The following ADAM17 variants were observed in gnomAD, a reference collection of about 807,000 sequenced individuals.
ADAM17 encodes the protein ADAM metallopeptidase domain 17.
A neutral mutation model predicts 96.7 loss-of-function variants in ADAM17; 39 were observed. That is an observed-to-expected ratio of 0.40 (90% CI 0.31 to 0.53). ADAM17 has a LOEUF of 0.53. Among genes scored for constraint, ADAM17 ranks in the 20% least tolerant of loss-of-function variants. The pLI is 0.44. For missense variants in ADAM17, 777 were observed against 1,013.2 expected, an observed-to-expected ratio of 0.77 and a Z score of 3.17; for synonymous variants, 344 against 359.2, an observed-to-expected ratio of 0.96 and a Z score of 0.48.
At chr2:9,541,170 T>C (rs992585814) in intron 2 of ADAM17, among the ~76,000 whole-genome samples, 2 of 152,244 alleles carry the variant, frequency 1.3e-5, no homozygotes, top group Non-Finnish European at 2.9e-5. Flanking sequence ...GTTACAATTC[T>C]ATGCAATAGG....
chr2:9,505,031 CA>C (rs1486789560), intron 12 of ADAM17, 134 bp downstream of exon 12: 3 of 993,472 alleles, frequency 3.0e-6, no homozygotes, highest in Non-Finnish European at 4.4e-6. Flanking sequence ...CTGTGAAGGG[CA>C]AAAGAGGTAG....
At chr2:9,536,430 AAAAG>A (rs1303221290) in intron 3 of ADAM17, among the ~76,000 whole-genome samples, 2 of 152,222 alleles carry the variant, frequency 1.3e-5, no homozygotes, top group East Asian at 1.9e-4. Context: ...GTCACTGAGG[AAAAG>A]AAAGGTTAAA....
chr2:9,498,130 G>A (rs1045586520), intron 13 of ADAM17, among the ~76,000 whole-genome samples: 34 of 152,212 alleles, frequency 2.2e-4, no homozygotes, highest in African/African-American at 5.8e-4. Context: ...CCTAGGTTCC[G>A]GCAATCCTCC....
At chr2:9,542,882 C>T (rs1341988715) in intron 2 of ADAM17, among the ~76,000 whole-genome samples, 7 of 151,968 alleles carry the variant, frequency 4.6e-5, no homozygotes, top group African/African-American at 7.3e-5. Context: ...TTAGTAGAGA[C>T]GGGGTTTTGC....
chr2:9,516,672 G>C (rs1664074534), intron 10 of ADAM17, among the ~76,000 whole-genome samples: 1 of 152,018 alleles, frequency 6.6e-6, no homozygotes, highest in South Asian at 2.1e-4. Context: ...AGAACTGCTT[G>C]AACCCAGAAG....
Position 9,523,229 on chromosome 2 carries a change from C to T in ADAM17, c.843+20G>A. The T allele has an allele frequency of 6.5e-7, 1 of 1,542,026 alleles. No individual in the cohort carries two copies. Among genetic ancestry groups the T allele is most frequent in the Non-Finnish European group, 8.9e-7 (1 of 1,123,452 alleles). On this transcript the variant is annotated intron_variant, in intron 7 of 18. Coordinates refer to ENST00000310823, the MANE Select transcript of ADAM17 (RefSeq NM_003183.6). Reference sequence around the variant, plus strand: ...CATTACAAAACTTAAGTAATATAAGCCATATCTATTGATAAATACCTGCTC... The same window carrying T: ...CATTACAAAACTTAAGTAATATAAGTCATATCTATTGATAAATACCTGCTC...
At chr2:9,514,395 A>G (rs1311543426) in intron 10 of ADAM17, among the ~76,000 whole-genome samples, 1 of 148,628 alleles carries the variant, frequency 6.7e-6, no homozygotes, top group East Asian at 2.0e-4. Context: ...GGATAGCATT[A>G]GGAGATATAC....
At chr2:9,525,232 G>A (rs544325702) in intron 6 of ADAM17, among the ~76,000 whole-genome samples, 19 of 151,296 alleles carry the variant, frequency 1.3e-4, no homozygotes, top group African/African-American at 4.1e-4. Context: ...CCAGGAGGTG[G>A]GGGTTGCAGT....
At chr2:9,500,695 A>T (rs1315731072) in intron 13 of ADAM17, among the ~76,000 whole-genome samples, 1 of 152,252 alleles carries the variant, frequency 6.6e-6, no homozygotes, top group Non-Finnish European at 1.5e-5. Context: ...TTGCTTTTTG[A>T]CAATTTAAGT....
rs377455446 is a variant in ADAM17, at chr2:9,552,832, T to C, written c.97+2677A>G. On this transcript the variant is annotated intron_variant, in intron 1 of 18. Coordinates refer to ENST00000310823, the MANE Select transcript of ADAM17 (RefSeq NM_003183.6). ...AATTGAAATCATTTTTGGTGACCCA[T>C]AGAGGACTCTAAAAACCAGGCTTCA... 1.2e-4 allele frequency among the ~76,000 whole-genome samples: 18 copies of C among 152,330 alleles called. No homozygotes were observed. In the South Asian group the frequency reaches 2.1e-3, roughly 18 times the overall value.
intron 8 of ADAM17, among the ~76,000 whole-genome samples, chr2:9,519,257 T>C (rs1664203866): frequency 6.6e-6 from 1 of 152,172 alleles, no homozygotes; most frequent in Admixed American, 6.5e-5. Flanking sequence ...ATATGAGGAA[T>C]GAAGTGTGGT....
In ADAM17 at chr2:9,517,975, C is replaced by A. The variant is rs1040762421; in HGVS notation, c.1117G>T (p.Val373Phe). Residue 373 changes from valine to phenylalanine, a missense_variant, in exon 10 of 19, where the codon GTT becomes TTT. By Grantham distance (50) the Val-to-Phe change is conservative (BLOSUM62 -1). This residue lies in a region of ADAM17 where 446 missense variants were observed against 664.7 expected (regional missense o/e 0.67). Transcript: ENST00000310823. ...TTCAAATAGATATTTTTCTTCCCAA[C>A]TGGGCTATAATAAGCTAAAGTCAAA... ...GVCPKAYYSP[V>F]GKKNIYLNSG... 1 of 1,602,948 alleles carries A rather than the reference C, an allele frequency of 6.2e-7. No homozygotes were observed. Among genetic ancestry groups the A allele is most frequent in the African/African-American group, 1.3e-5 (1 of 74,570 alleles).
At position 9,514,518 on chromosome 2, in the gene ADAM17, A is replaced by ATATAT. The variant is rs1663932935; in HGVS notation, c.1191+3382_1191+3383insATATA. Among the ~76,000 whole-genome samples, 8 of 89,858 alleles carry ATATAT rather than the reference A, an allele frequency of 8.9e-5. 1 individual carries two copies. Among genetic ancestry groups the ATATAT allele is most frequent in the African/African-American group, 3.1e-4 (7 of 22,512 alleles). 59.0% of individuals were successfully genotyped at this position (89,858 alleles called of 152,430 possible). On this transcript the variant is annotated intron_variant, in intron 10 of 18. Transcript: ENST00000310823. ...TCCTAGAACTTAAATTTAAAATATA[A>ATATAT]ATATATATATATATATATATATATA...
chr2:9,523,423 A>C, intron 6 of ADAM17, 85 bp from the exon 7 acceptor site: 1 of 1,240,260 alleles, frequency 8.1e-7, no homozygotes, highest in Middle Eastern at 1.9e-4. Flanking sequence ...GGGGAAAGAA[A>C]AAATCTCAGT....
intron 18 of ADAM17, 91 bp downstream of exon 18, chr2:9,491,010 G>C: frequency 8.5e-7 from 1 of 1,176,530 alleles, no homozygotes; most frequent in Non-Finnish European, 1.2e-6. Context: ...CCATCAGCCA[G>C]TGAAAGCTCT....
chr2:9,542,047 T>C (rs909587302), intron 2 of ADAM17, among the ~76,000 whole-genome samples: 1 of 152,104 alleles, frequency 6.6e-6, no homozygotes, highest in Non-Finnish European at 1.5e-5. Context: ...AAAAAATAAA[T>C]AAATAAAGAA....
Position 9,494,743 on chromosome 2 carries a change from C to T in ADAM17, c.1808G>A (p.Cys603Tyr). ...CNETDNSCKVCCRDLSGRCVP... is the reference protein window; with the variant it reads ...CNETDNSCKVYCRDLSGRCVP... ...ACAGCGGCCAGAAAGGTCCCTGCAG[C>T]ACACCTTGCAGGAGTTGTCAGTTTC... is the stretch of plus-strand genomic sequence containing the variant. The change falls in exon 15 of 19, where the codon TGC (cysteine) becomes TAC (tyrosine). Residue 603 changes from cysteine to tyrosine, a missense_variant. By Grantham distance (194) the Cys-to-Tyr change is radical. Around this residue, in one of 3 missense-constraint regions of ADAM17, gnomAD observed 446 missense variants for 664.7 expected, o/e 0.67. Coordinates refer to ENST00000310823, the MANE Select transcript of ADAM17 (RefSeq NM_003183.6). 2 of 1,614,094 alleles carry T rather than the reference C, an allele frequency of 1.2e-6. No individual in the cohort carries two copies. Among genetic ancestry groups the T allele is most frequent in the Non-Finnish European group, 1.7e-6 (2 of 1,179,964 alleles).
chr2:9,511,615 T>C lies in ADAM17; in HGVS notation c.1192-1484A>G, dbSNP rs183079849. On this transcript the variant is annotated intron_variant, in intron 10 of 18. Transcript: ENST00000310823. ...CTATCAGATTATCAGATGATTTCTATATGAATAATAAATTTTGCCAATAAA... is the reference window on the plus strand; with the variant it reads ...CTATCAGATTATCAGATGATTTCTACATGAATAATAAATTTTGCCAATAAA... Among the ~76,000 whole-genome samples, 515 of 152,362 alleles carry C rather than the reference T, an allele frequency of 3.4e-3. 2 individuals carry two copies. Among genetic ancestry groups the C allele is most frequent in the African/African-American group, 0.012 (490 of 41,584 alleles).
In ADAM17 at chr2:9,494,358, A is replaced by G. The variant is rs1279038331; in HGVS notation, c.1914+279T>C. Reference sequence around the variant, plus strand: ...GTAAGTAATCTAGGAAAACATAATTAGGACCCACTGCCTGAAACCAACCAA... The same window carrying G: ...GTAAGTAATCTAGGAAAACATAATTGGGACCCACTGCCTGAAACCAACCAA... On this transcript the variant is annotated intron_variant, in intron 15 of 18. Transcript: ENST00000310823. 2.0e-5 allele frequency among the ~76,000 whole-genome samples: 3 copies of G among 152,208 alleles called. No homozygotes were observed. The East Asian group carries it at 5.8e-4, about 29-fold the overall frequency.
Sources: gnomAD v4.1 joint callset for allele counts (sites outside exome capture counted in the v4.1 genomes callset) on GRCh38, gnomAD v4.1.1 for gene constraint, gnomAD v4.1.1 regional missense constraint, MANE v1.5 for transcripts, NCBI Gene and HGNC (gene_info 2026-07-23, HGNC 2026-07-21) for gene names.